OSBPL11: variants seen among roughly 807,000 people sequenced by gnomAD.
OSBPL11 encodes the protein oxysterol binding protein like 11.
A neutral mutation model predicts 84.4 loss-of-function variants in OSBPL11; 33 were observed. The observed-to-expected ratio is 0.39, with a 90% CI of 0.30 to 0.52. The LOEUF is 0.52. Among genes scored for constraint, OSBPL11 ranks in the 20% least tolerant of loss-of-function variants. OSBPL11 has a pLI of 0.72. For synonymous variants in OSBPL11, 276 were observed against 310.2 expected (o/e 0.89, Z 1.16); for missense variants, 736 against 901.1 (o/e 0.82, Z 2.35).
chr3:125,579,154 A>G (rs898838002), intron 3 of OSBPL11, 115 bp from the exon 4 acceptor site: 1 of 645,778 alleles, frequency 1.5e-6, no homozygotes, highest in Non-Finnish European at 2.4e-6. Flanking sequence ...CTCTCACTAG[A>G]GCAAACTTCC....
At chr3:125,586,505 C>G (rs1323185067) in intron 1 of OSBPL11, among the ~76,000 whole-genome samples, 1 of 151,684 alleles carries the variant, frequency 6.6e-6, no homozygotes, top group Admixed American at 6.6e-5. Context: ...ATTACTATAA[C>G]ATACATATTT....
intron 8 of OSBPL11, 135 bp downstream of exon 8, chr3:125,560,244 A>G (rs1445634793): frequency 3.8e-6 from 3 of 780,334 alleles, no homozygotes; most frequent in Non-Finnish European, 5.2e-6. Flanking sequence ...CTGGGCAACA[A>G]GAGCAAAACT....
At position 125,594,768 on chromosome 3, in the gene OSBPL11, T is replaced by C; in HGVS notation, c.33A>G (p.Lys11=). Reference sequence around the variant, plus strand: ...CCAGCTTTCCTTCGCTCTCCGAGACTTTCATTGTGGACACTGGTTCACCCC... The same window carrying C: ...CCAGCTTTCCTTCGCTCTCCGAGACCTTCATTGTGGACACTGGTTCACCCC... The part of the protein sequence containing the change: MQGGEPVSTM[K]VSESEGKLEG... The change falls in exon 1 of 13, where the codon AAA becomes AAG. Residue 11 remains lysine (K), a synonymous_variant. Transcript: ENST00000296220. 1 of 1,614,206 alleles carries C rather than the reference T, an allele frequency of 6.2e-7. No individual in the cohort carries two copies. The highest frequency in any genetic ancestry group is 8.5e-7 in the Non-Finnish European group (1 of 1,180,016).
chr3:125,584,916 C>T (rs2922182), intron 1 of OSBPL11, among the ~76,000 whole-genome samples: 140,051 of 152,190 alleles, frequency 0.92, 64,614 homozygotes, highest in African/African-American at 0.97. Flanking sequence ...GCTGCAACTA[C>T]AGGAACGTAC....
Position 125,552,281 on chromosome 3 carries a change from A to G in OSBPL11, c.1554T>C (p.Phe518=). The change falls in exon 9 of 13, where the codon TTT becomes TTC. Residue 518 remains phenylalanine (F), a synonymous_variant. Transcript: ENST00000296220. ...TCTTCCTCTCTGTACATTCTGCATAAAATCCTGAGACTGGAGGATGATGAG... is the reference window on the plus strand; with the variant it reads ...TCTTCCTCTCTGTACATTCTGCATAGAATCCTGAGACTGGAGGATGATGAG... ...QVSHHPPVSG[F]YAECTERKMC... The G allele has an allele frequency of 6.2e-7, 1 of 1,614,080 alleles. No homozygotes were observed. Among genetic ancestry groups the G allele is most frequent in the East Asian group, 2.2e-5 (1 of 44,876 alleles).
chr3:125,543,648 C>G (rs1935767626), intron 10 of OSBPL11, among the ~76,000 whole-genome samples: 1 of 152,128 alleles, frequency 6.6e-6, no homozygotes, highest in Non-Finnish European at 1.5e-5. Flanking sequence ...CACCTGTAAT[C>G]CCAGCACTTT....
intron 8 of OSBPL11, among the ~76,000 whole-genome samples, chr3:125,559,653 G>A (rs1936045931): frequency 6.6e-6 from 1 of 152,042 alleles, no homozygotes; most frequent in Admixed American, 6.6e-5. Context: ...CTGAGACAGG[G>A]TTTTGCCACG....
chr3:125,561,265 T>G (rs1936073840), intron 7 of OSBPL11, among the ~76,000 whole-genome samples: 1 of 152,266 alleles, frequency 6.6e-6, no homozygotes, highest in Non-Finnish European at 1.5e-5. Context: ...CCCAAAGTGC[T>G]GGGATTATAG....
chr3:125,538,872 T>A (rs150589289), intron 10 of OSBPL11, among the ~76,000 whole-genome samples: 35 of 152,288 alleles, frequency 2.3e-4, no homozygotes, highest in African/African-American at 7.2e-4. Flanking sequence ...ATCAGAGACT[T>A]CATTATCATT....
chr3:125,544,533 C>T (rs13080994), intron 10 of OSBPL11, among the ~76,000 whole-genome samples: 10,204 of 152,146 alleles, frequency 0.067, 465 homozygotes, highest in Non-Finnish European at 0.098. Flanking sequence ...ATATCTTAAC[C>T]ATCAGGCAAG....
At chr3:125,560,575 G>A in intron 7 of OSBPL11, 56 bp from the exon 8 acceptor site, 1 of 1,381,508 alleles carries the variant, frequency 7.2e-7, no homozygotes, top group Non-Finnish European at 9.6e-7. Flanking sequence ...CATATCCATT[G>A]AGAACAAAAC....
chr3:125,592,121 C>T (rs573009349), intron 1 of OSBPL11, among the ~76,000 whole-genome samples: 36 of 152,176 alleles, frequency 2.4e-4, no homozygotes, highest in Non-Finnish European at 4.4e-4. Context: ...AGTGCAGTGG[C>T]ACAATCACAG....
At chr3:125,540,851 A>C (rs1159029277) in intron 10 of OSBPL11, among the ~76,000 whole-genome samples, 1 of 152,208 alleles carries the variant, frequency 6.6e-6, no homozygotes, top group Non-Finnish European at 1.5e-5. Flanking sequence ...GGCAGGGGAC[A>C]GGAATCACAT....
intron 6 of OSBPL11, among the ~76,000 whole-genome samples, chr3:125,564,081 T>G (rs150946693): frequency 4.1e-4 from 63 of 152,330 alleles, no homozygotes; most frequent in Non-Finnish European, 8.1e-4. Flanking sequence ...CAACCCTGAA[T>G]AGGACTGAAT....
At chr3:125,566,638 A>G (rs1286776677) in intron 6 of OSBPL11, among the ~76,000 whole-genome samples, 1 of 152,196 alleles carries the variant, frequency 6.6e-6, no homozygotes, top group East Asian at 1.9e-4. Flanking sequence ...CACTAGCATT[A>G]TTAAGTTATT....
intron 7 of OSBPL11, 66 bp downstream of exon 7, chr3:125,563,632 A>G: frequency 6.5e-7 from 1 of 1,536,238 alleles, no homozygotes; most frequent in Non-Finnish European, 8.9e-7. Context: ...CAATGAAAAG[A>G]AAACTGACCC....
At chr3:125,578,765 C>T (rs555032144) in intron 4 of OSBPL11, among the ~76,000 whole-genome samples, 195 bp downstream of exon 4, 2 of 148,670 alleles carry the variant, frequency 1.3e-5, no homozygotes, top group African/African-American at 2.5e-5. Flanking sequence ...AGAGAGACTC[C>T]GTCTCAAAAA....
intron 12 of OSBPL11, among the ~76,000 whole-genome samples, chr3:125,531,595 C>T (rs544020072): frequency 7.9e-5 from 12 of 152,070 alleles, no homozygotes; most frequent in South Asian, 4.2e-4. Flanking sequence ...CCGGCCACCC[C>T]CTAGCTCATT....
At chr3:125,588,221 CAAAAA>C (rs35794012) in intron 1 of OSBPL11, among the ~76,000 whole-genome samples, 1 of 51,646 alleles carries the variant, frequency 1.9e-5, no homozygotes. Flanking sequence ...GACCCTGTCT[CAAAAA>C]AAAAAAAAAA....
Sources: gnomAD v4.1 joint callset for allele counts (sites outside exome capture counted in the v4.1 genomes callset) on GRCh38, gnomAD v4.1.1 for gene constraint, MANE v1.5 for transcripts, NCBI Gene and HGNC (gene_info 2026-07-23, HGNC 2026-07-21) for gene names.